ADAM18: variants seen among roughly 807,000 people sequenced by gnomAD.
ADAM18 encodes the protein ADAM metallopeptidase domain 18.
Under a neutral mutation model 94.4 loss-of-function variants are expected in ADAM18, and 117 were observed. The ratio of observed to expected loss-of-function variants is 1.24; its 90% CI spans 1.07 to 1.45. ADAM18 has a LOEUF of 1.45. Ranked by LOEUF, ADAM18 falls within the 40% of genes most tolerant of loss-of-function variation. The pLI is 0.00. For missense variants in ADAM18, 936 were observed against 880.0 expected, an observed-to-expected ratio of 1.06 and a Z score of -0.81; for synonymous variants, 327 against 291.6, an observed-to-expected ratio of 1.12 and a Z score of -1.24.
chr8:39,676,576 A>G (rs1175522406), intron 14 of ADAM18, among the ~76,000 whole-genome samples: 1 of 141,234 alleles, frequency 7.1e-6, no homozygotes, highest in Non-Finnish European at 1.5e-5. Context: ...AGGAAAGGGA[A>G]ATCCCTCGAC....
chr8:39,609,052 C>T lies in ADAM18; in HGVS notation c.199C>T (p.Pro67Ser). The change falls in exon 4 of 20, where the codon CCC (proline) becomes TCC (serine). Residue 67 changes from proline (P) to serine (S), a missense_variant. Pro to Ser is a moderately conservative substitution (Grantham distance 74). Coordinates refer to ENST00000265707, the MANE Select transcript of ADAM18 (RefSeq NM_014237.3). ...TLHLGKQSFL[P>S]QNFLVYTYNE... Reference sequence around the variant, plus strand: ...TTCTTGGTTTTTTAGATCATTCTTACCCCAGAACTTTTTGGTTTATACATA... The same window carrying T: ...TTCTTGGTTTTTTAGATCATTCTTATCCCAGAACTTTTTGGTTTATACATA... 3.8e-6 allele frequency: 6 copies of T among 1,571,894 alleles called. No individual in the cohort carries two copies. Among genetic ancestry groups the T allele is most frequent in the African/African-American group, 2.7e-5 (2 of 73,066 alleles).
intron 19 of ADAM18, among the ~76,000 whole-genome samples, chr8:39,725,123 C>T (rs1344125185): frequency 1.3e-5 from 2 of 151,940 alleles, no homozygotes; most frequent in Non-Finnish European, 2.9e-5. Context: ...TTTAAGTCTT[C>T]TATATCCTTG....
At position 39,636,001 on chromosome 8, in the gene ADAM18, G is replaced by GTT. The variant is rs199533879; in HGVS notation, c.589-1257_589-1256dup. On this transcript the variant is annotated intron_variant, in intron 7 of 19. Coordinates refer to ENST00000265707, the MANE Select transcript of ADAM18 (RefSeq NM_014237.3). ...TTATTTAAATATCTGTAACCATTAA[G>GTT]TTTTTTTGTTTTTTTTTTTTTGAGA... Among the ~76,000 whole-genome samples, 139 of 141,840 alleles carry GTT rather than the reference G, an allele frequency of 9.8e-4. 2 individuals carry two copies. The highest frequency in any genetic ancestry group is 3.6e-3 in the Middle Eastern group (1 of 274). The allele number at this position is 141,840 out of a possible 152,430, so 93.1% of individuals were successfully genotyped here. A position where few individuals can be genotyped will look rare whatever the true frequency, so the allele number is the denominator to read the frequency against.
chr8:39,585,300 T>C lies in ADAM18; in HGVS notation c.80T>C (p.Val27Ala). 2.5e-6 allele frequency: 4 copies of C among 1,613,364 alleles called. No homozygotes were observed. The highest frequency in any genetic ancestry group is 3.4e-6 in the Non-Finnish European group (4 of 1,179,740). ...GGTTCTGAAGGAATATTTCTGCATG[T>C]CACAGTTCCACGGAAGATTAAGTCA... ...HEGSEGIFLHVTVPRKIKSND... is the reference protein window; with the variant it reads ...HEGSEGIFLHATVPRKIKSND... Residue 27 changes from valine to alanine, a missense_variant, in exon 2 of 20, where the codon GTC becomes GCC. Val to Ala is a moderately conservative substitution (Grantham distance 64, BLOSUM62 0). Transcript: ENST00000265707.
chr8:39,666,510 T>C (rs777637373), intron 13 of ADAM18, among the ~76,000 whole-genome samples: 6 of 152,182 alleles, frequency 3.9e-5, no homozygotes, highest in Admixed American at 6.5e-5. Flanking sequence ...AATATTGTAT[T>C]AGTTGGTTTT....
chr8:39,712,134 A>G (rs919313415), intron 18 of ADAM18, among the ~76,000 whole-genome samples: 58 of 151,752 alleles, frequency 3.8e-4, no homozygotes, highest in African/African-American at 1.3e-3. Flanking sequence ...TAATTCAAAT[A>G]TATCAATAAT....
chr8:39,677,575 A>C, intron 15 of ADAM18, 39 bp downstream of exon 15: 2 of 1,465,216 alleles, frequency 1.4e-6, no homozygotes, highest in South Asian at 1.3e-5. Context: ...TGAATCATAA[A>C]AATTATGTAT....
chr8:39,680,556 G>C (rs1456282511), intron 16 of ADAM18, among the ~76,000 whole-genome samples: 1 of 152,042 alleles, frequency 6.6e-6, no homozygotes, highest in Non-Finnish European at 1.5e-5. Context: ...AACATTAATT[G>C]ACTTTACATA....
intron 17 of ADAM18, among the ~76,000 whole-genome samples, chr8:39,703,009 GT>G (rs1401582152): frequency 3.9e-5 from 6 of 152,064 alleles, no homozygotes; most frequent in African/African-American, 1.4e-4. Flanking sequence ...GTTTTCTCTA[GT>G]TCTGTGAAGC....
At chr8:39,688,839 G>C (rs1187118264) in intron 16 of ADAM18, among the ~76,000 whole-genome samples, 1 of 152,182 alleles carries the variant, frequency 6.6e-6, no homozygotes, top group African/African-American at 2.4e-5. Context: ...TAGTGTGTAA[G>C]CATTCCTTTT....
chr8:39,609,222 ACATG>A (rs1819186910), intron 4 of ADAM18, 102 bp downstream of exon 4: 1 of 877,022 alleles, frequency 1.1e-6, no homozygotes, highest in Non-Finnish European at 1.7e-6. Context: ...ATCCTTACTG[ACATG>A]TTACTGACTT....
rs193141178 is a variant in ADAM18, at chr8:39,680,377, C to G, written c.1821+151C>G. On this transcript the variant is annotated intron_variant, in intron 16 of 19. Transcript: ENST00000265707. ...TGTGATATTTAAATGATAATTAAAA[C>G]AAGCCTAAGTTATCCAATTACATTG... The G allele has an allele frequency of 3.7e-4, 298 of 807,664 alleles. No individual in the cohort carries two copies. In the African/African-American group the frequency reaches 3.9e-3, roughly 11 times the overall value. The allele number at this position is 807,664 out of a possible 1,614,324, so 50.0% of individuals were successfully genotyped here.
intron 3 of ADAM18, among the ~76,000 whole-genome samples, chr8:39,607,729 C>G (rs1208862716): frequency 1.4e-5 from 2 of 147,990 alleles, no homozygotes; most frequent in South Asian, 4.3e-4. Flanking sequence ...CTCTCTCTGT[C>G]TCTCCTTTCT....
chr8:39,594,711 T>A (rs908377578), intron 2 of ADAM18, among the ~76,000 whole-genome samples: 1 of 151,686 alleles, frequency 6.6e-6, no homozygotes, highest in African/African-American at 2.4e-5. Context: ...AATGGGTAAG[T>A]TGTCATTTCT....
At chr8:39,596,813 G>A (rs1193850481) in intron 2 of ADAM18, among the ~76,000 whole-genome samples, 1 of 152,074 alleles carries the variant, frequency 6.6e-6, no homozygotes, top group Non-Finnish European at 1.5e-5. Flanking sequence ...GAGTTCCTGT[G>A]GCTCCTCATC....
intron 7 of ADAM18, among the ~76,000 whole-genome samples, chr8:39,631,137 T>C (rs1376299653): frequency 6.6e-6 from 1 of 151,958 alleles, no homozygotes; most frequent in Non-Finnish European, 1.5e-5. Context: ...ATTAAGGCTA[T>C]TTTCTCGTAG....
Position 39,722,190 on chromosome 8 carries a change from CGTGTGTGT to C in ADAM18, c.2018-1537_2018-1530del, listed in dbSNP as rs1164771841. 3.0e-3 allele frequency among the ~76,000 whole-genome samples: 301 copies of C among 101,752 alleles called. 6 individuals carry two copies. Among genetic ancestry groups the C allele is most frequent in the African/African-American group, 0.014 (280 of 20,702 alleles). The allele number at this position is 101,752 out of a possible 152,430, so 66.8% of individuals were successfully genotyped here. A position where few individuals can be genotyped will look rare whatever the true frequency, so the allele number is the denominator to read the frequency against. Reference sequence around the variant, plus strand: ...TGTCTGCCTACTTTGTTGGTTATACCGTGTGTGTGTGTGTGTGTGTGTGTGTGTATATA... The same window carrying C: ...TGTCTGCCTACTTTGTTGGTTATACCGTGTGTGTGTGTGTGTGTGTATATA... On this transcript the variant is annotated intron_variant, in intron 18 of 19. Transcript: ENST00000265707.
intron 16 of ADAM18, among the ~76,000 whole-genome samples, chr8:39,691,443 C>T (rs765458031): frequency 2.0e-5 from 3 of 151,966 alleles, no homozygotes; most frequent in African/African-American, 2.4e-5. Context: ...AATAGAGCTA[C>T]CATGTGATCC....
chr8:39,664,312 T>A (rs547805799), intron 13 of ADAM18, among the ~76,000 whole-genome samples: 1 of 152,330 alleles, frequency 6.6e-6, no homozygotes, highest in Non-Finnish European at 1.5e-5. Flanking sequence ...ATAGCATTTA[T>A]ATTGTATTAG....
Sources: gnomAD v4.1 joint callset for allele counts (sites outside exome capture counted in the v4.1 genomes callset) on GRCh38, gnomAD v4.1.1 for gene constraint, MANE v1.5 for transcripts, NCBI Gene and HGNC (gene_info 2026-07-23, HGNC 2026-07-21) for gene names.